Variants in EXT2 observed in about 807,000 individuals in gnomAD.
EXT2 encodes exostosin glycosyltransferase 2.
A neutral mutation model predicts 81.6 loss-of-function variants in EXT2; 53 were observed. The observed-to-expected ratio is 0.65, with a 90% CI of 0.52 to 0.82. The LOEUF is 0.82. Among genes scored for constraint, EXT2 ranks in the 40% least tolerant of loss-of-function variants. The pLI, the probability that EXT2 is intolerant of heterozygous loss-of-function variation, is 0.00. For missense variants in EXT2, 774 were observed against 910.2 expected (o/e 0.85, Z 1.93); for synonymous variants, 320 against 340.0 (o/e 0.94, Z 0.65).
intron 8 of EXT2, among the ~76,000 whole-genome samples, chr11:44,184,806 TAGAC>T (rs1299432038): frequency 6.6e-6 from 1 of 152,222 alleles, no homozygotes; most frequent in African/African-American, 2.4e-5. Flanking sequence ...ATTTGATTAT[TAGAC>T]AGCAATGTCA....
At chr11:44,175,554 T>G (rs576751746) in intron 8 of EXT2, among the ~76,000 whole-genome samples, 1 of 152,278 alleles carries the variant, frequency 6.6e-6, no homozygotes, top group Admixed American at 6.5e-5. Flanking sequence ...TTATACAGGC[T>G]TCAGCAGCTG....
Position 44,249,957 on chromosome 11 carries a change from C to G in EXT2, c.*5670C>G, listed in dbSNP as rs1427112062. ...TAGTGGCAGGCACCTGTAGCCCCAG[C>G]TACTCGGGAGGCTGAGGCAGGAGAA... On this transcript the variant is annotated 3_prime_UTR_variant, in exon 14 of 14. Coordinates refer to ENST00000533608, the MANE Select transcript of EXT2 (RefSeq NM_207122.2). 6.6e-6 allele frequency among the ~76,000 whole-genome samples: 1 copy of G among 152,202 alleles called. No individual in the cohort carries two copies. Among genetic ancestry groups the G allele is most frequent in the Non-Finnish European group, 1.5e-5 (1 of 68,036 alleles).
At chr11:44,206,084 A>T (rs568716074) in intron 9 of EXT2, among the ~76,000 whole-genome samples, 2 of 152,290 alleles carry the variant, frequency 1.3e-5, no homozygotes. Context: ...GAAATTTGAT[A>T]TTTACTTTGT....
intron 7 of EXT2, among the ~76,000 whole-genome samples, chr11:44,149,733 T>TATAA (rs1186983898): frequency 1.3e-5 from 2 of 152,186 alleles, no homozygotes; most frequent in Non-Finnish European, 2.9e-5. Flanking sequence ...CCCCCACAAA[T>TATAA]ATAAATACTG....
intron 8 of EXT2, among the ~76,000 whole-genome samples, chr11:44,192,638 A>G (rs1040112208): frequency 6.6e-6 from 1 of 152,102 alleles, no homozygotes; most frequent in Non-Finnish European, 1.5e-5. Context: ...CCCTCTGCTA[A>G]ATGTTTATGT....
intron 10 of EXT2, among the ~76,000 whole-genome samples, chr11:44,214,483 G>C (rs1955693420): frequency 1.3e-5 from 2 of 152,092 alleles, no homozygotes; most frequent in African/African-American, 4.8e-5. Context: ...ATTTACTACA[G>C]ACCCAATTTC....
chr11:44,205,780 A>G (rs1955575431), intron 9 of EXT2, among the ~76,000 whole-genome samples: 1 of 152,216 alleles, frequency 6.6e-6, no homozygotes, highest in African/African-American at 2.4e-5. Context: ...ACCCACAGAA[A>G]TGAGATTTTT....
chr11:44,163,400 G>A (rs1005637363), intron 7 of EXT2, among the ~76,000 whole-genome samples: 3 of 152,168 alleles, frequency 2.0e-5, no homozygotes, highest in Non-Finnish European at 4.4e-5. Flanking sequence ...ACTGTTATGA[G>A]GTTGTCCAAG....
chr11:44,208,697 T>C (rs1590648815), intron 10 of EXT2, among the ~76,000 whole-genome samples: 1 of 152,368 alleles, frequency 6.6e-6, no homozygotes, highest in East Asian at 1.9e-4. Flanking sequence ...TTCCATACAT[T>C]ACTTATGCTC....
chr11:44,247,358 T>G lies in EXT2; in HGVS notation c.*3071T>G, dbSNP rs2135289664. Among the ~76,000 whole-genome samples the G allele has an allele frequency of 6.6e-6, 1 of 150,966 alleles. No individual in the cohort carries two copies. On this transcript the variant is annotated 3_prime_UTR_variant, in exon 14 of 14. Coordinates refer to ENST00000533608, the MANE Select transcript of EXT2 (RefSeq NM_207122.2). ...TCCGCCTCCCAGGTTCAAGTGATTCTCCTGCCTCAGCCTCCTGAGTAGCTG... is the reference window on the plus strand; with the variant it reads ...TCCGCCTCCCAGGTTCAAGTGATTCGCCTGCCTCAGCCTCCTGAGTAGCTG...
rs1429375711 is a variant in EXT2, at chr11:44,251,754, T to C, written c.*7467T>C. Among the ~76,000 whole-genome samples the C allele has an allele frequency of 6.6e-6, 1 of 152,122 alleles. No homozygotes were observed. The highest frequency in any genetic ancestry group is 2.4e-5 in the African/African-American group (1 of 41,426). On this transcript the variant is annotated 3_prime_UTR_variant, in exon 14 of 14. Transcript: ENST00000533608. ...AAAAAGATTCTTTTCCCTTAAAAAA[T>C]AAAAAAACCTGATGTGATGGGTTCC...
intron 13 of EXT2, among the ~76,000 whole-genome samples, chr11:44,238,585 A>G (rs565204139): frequency 6.6e-6 from 1 of 152,332 alleles, no homozygotes; most frequent in South Asian, 2.1e-4. Flanking sequence ...TGTATATGTA[A>G]CAATGCAATT....
Position 44,109,225 on chromosome 11 carries a change from A to G in EXT2, c.568A>G (p.Asn190Asp). ...WDRGTNHLLF[N>D]MLPGGPPDYN... ...TCGAGGTACGAATCACCTGTTGTTCAACATGTTGCCTGGAGGTCCCCCAGA... is the reference window on the plus strand; with the variant it reads ...TCGAGGTACGAATCACCTGTTGTTCGACATGTTGCCTGGAGGTCCCCCAGA... The change falls in exon 3 of 14, where the codon AAC (asparagine) becomes GAC (aspartate). Residue 190 changes from asparagine (N) to aspartate (D), a missense_variant. Asn to Asp is a conservative substitution (Grantham distance 23). Coordinates refer to ENST00000533608, the MANE Select transcript of EXT2 (RefSeq NM_207122.2). The G allele has an allele frequency of 6.2e-7, 1 of 1,614,102 alleles. No homozygotes were observed. The highest frequency in any genetic ancestry group is 8.5e-7 in the Non-Finnish European group (1 of 1,179,988).
intron 8 of EXT2, among the ~76,000 whole-genome samples, chr11:44,187,199 G>A (rs1315118390): frequency 2.6e-5 from 4 of 151,850 alleles, no homozygotes; most frequent in Non-Finnish European, 5.9e-5. Flanking sequence ...CACATGCCGT[G>A]CTACTTTTAA....
At chr11:44,191,182 T>C (rs1030426857) in intron 8 of EXT2, among the ~76,000 whole-genome samples, 4 of 152,218 alleles carry the variant, frequency 2.6e-5, no homozygotes, top group African/African-American at 9.6e-5. Context: ...AGGGATTACT[T>C]TTATGCAATT....
intron 13 of EXT2, among the ~76,000 whole-genome samples, chr11:44,239,689 C>CTTTTT (rs397849292): frequency 1.2e-5 from 1 of 85,340 alleles, no homozygotes; most frequent in Non-Finnish European, 2.2e-5. Flanking sequence ...CCCTGCCTGG[C>CTTTTT]TTTTTTTTTT....
At chr11:44,227,897 G>A (rs1205856291) in intron 10 of EXT2, among the ~76,000 whole-genome samples, 1 of 152,144 alleles carries the variant, frequency 6.6e-6, no homozygotes, top group African/African-American at 2.4e-5. Flanking sequence ...CAGCATAAAG[G>A]TTGGGTTAAT....
intron 6 of EXT2, 80 bp downstream of exon 6, chr11:44,127,035 G>A (rs962445564): frequency 7.2e-6 from 11 of 1,529,952 alleles, no homozygotes; most frequent in African/African-American, 4.1e-5. Flanking sequence ...TCATTGTAAT[G>A]TATACCCTGG....
chr11:44,147,775 CT>C (rs66961451), intron 7 of EXT2, among the ~76,000 whole-genome samples: 36 of 103,370 alleles, frequency 3.5e-4, no homozygotes, highest in African/African-American at 6.5e-4. Context: ...TCCACATTGT[CT>C]TTTTTTTTTT....
Sources: gnomAD v4.1 joint callset for allele counts (sites outside exome capture counted in the v4.1 genomes callset) on GRCh38, gnomAD v4.1.1 for gene constraint, MANE v1.5 for transcripts, NCBI Gene and HGNC (gene_info 2026-07-23, HGNC 2026-07-21) for gene names.